The following NCEH1 variants were observed in gnomAD, a reference collection of about 807,000 sequenced individuals.
NCEH1 encodes 2-acetyl MAGE hydrolase.
In NCEH1, 9 loss-of-function variants were observed where a neutral mutation model predicts 25.4. That is an observed-to-expected ratio of 0.35 (90% CI 0.21 to 0.62). NCEH1 has a LOEUF of 0.62. Ranked by LOEUF, NCEH1 falls within the 20% of genes least tolerant of loss-of-function variation. The pLI is 0.72. For synonymous variants in NCEH1, 200 were observed against 199.8 expected, an observed-to-expected ratio of 1.00 and a Z score of -0.01; for missense variants, 412 against 501.1, an observed-to-expected ratio of 0.82 and a Z score of 1.70.
At position 172,646,575 on chromosome 3, in the gene NCEH1, GATCT is replaced by G. The variant is rs1717131384; in HGVS notation, c.368-887_368-884del. ...TTCTTAGTTACTCTCAGTAAATTAA[GATCT>G]ATATTGTGCCAACTGAGAGCCAAAC... is the stretch of plus-strand genomic sequence containing the variant. On this transcript the variant is annotated intron_variant, in intron 2 of 4. Transcript: ENST00000475381. Among the ~76,000 whole-genome samples, 5 of 152,244 alleles carry G rather than the reference GATCT, an allele frequency of 3.3e-5. 1 individual carries two copies. In the South Asian group the frequency reaches 1.0e-3, roughly 32 times the overall value.
chr3:172,664,054 C>G (rs978599173), intron 1 of NCEH1, among the ~76,000 whole-genome samples: 1 of 152,156 alleles, frequency 6.6e-6, no homozygotes, highest in Admixed American at 6.6e-5. Context: ...TTCCTAGCCT[C>G]GATGGTCTTT....
At chr3:172,693,593 TGAGA>T (rs984338569) in intron 1 of NCEH1, among the ~76,000 whole-genome samples, 2 of 152,248 alleles carry the variant, frequency 1.3e-5, no homozygotes, top group African/African-American at 2.4e-5. Flanking sequence ...AAATATGCTT[TGAGA>T]GAGACAGAAA....
intron 1 of NCEH1, among the ~76,000 whole-genome samples, chr3:172,683,993 T>C (rs1236739633): frequency 1.3e-5 from 2 of 152,274 alleles, no homozygotes; most frequent in Admixed American, 1.3e-4. Flanking sequence ...TGGCAAAGCC[T>C]TGCTGAAAGT....
At chr3:172,652,466 G>C (rs1325790900) in intron 1 of NCEH1, among the ~76,000 whole-genome samples, 1 of 152,236 alleles carries the variant, frequency 6.6e-6, no homozygotes, top group Non-Finnish European at 1.5e-5. Context: ...GGCTGAGGAT[G>C]AGTGATACCC....
chr3:172,662,347 A>G (rs1451324025), intron 1 of NCEH1, among the ~76,000 whole-genome samples: 1 of 152,114 alleles, frequency 6.6e-6, no homozygotes, highest in Non-Finnish European at 1.5e-5. Flanking sequence ...AAGCTTTTTG[A>G]TGTGCTGCTG....
intron 1 of NCEH1, among the ~76,000 whole-genome samples, chr3:172,675,454 AG>A (rs1711942344): frequency 1.3e-5 from 2 of 150,992 alleles, no homozygotes; most frequent in Admixed American, 6.6e-5. Context: ...AAAAAAAAAA[AG>A]GATTTTGTAT....
intron 1 of NCEH1, among the ~76,000 whole-genome samples, chr3:172,678,798 A>G (rs1003131536): frequency 1.3e-5 from 2 of 152,204 alleles, no homozygotes; most frequent in Admixed American, 1.3e-4. Context: ...TCATCCACAT[A>G]GTGAACACTG....
Position 172,647,894 on chromosome 3 carries a change from GC to G in NCEH1, c.358del (p.Ala120GlnfsTer19), listed in dbSNP as rs778136622. On this transcript the variant is annotated frameshift_variant, in exon 2 of 5. Coordinates refer to ENST00000475381, the MANE Select transcript of NCEH1 (RefSeq NM_020792.6). LOFTEE classifies it high-confidence loss of function. ...VYIHGGGWAL[A>X]SAKIRYYDEL... ...AGGTGACCAGGACGCACTTGCACTT[GC>G]CAAGGCCCAGCCTCCTCCGTGGATA... is the stretch of plus-strand genomic sequence containing the variant. The G allele has an allele frequency of 6.2e-7, 1 of 1,614,118 alleles. No homozygotes were observed. Among genetic ancestry groups the G allele is most frequent in the Non-Finnish European group, 8.5e-7 (1 of 1,180,032 alleles).
chr3:172,672,238 T>C (rs935265040), intron 1 of NCEH1, among the ~76,000 whole-genome samples: 3 of 152,186 alleles, frequency 2.0e-5, no homozygotes, highest in Non-Finnish European at 4.4e-5. Flanking sequence ...TGCATTATAA[T>C]TGCCTACATG....
intron 1 of NCEH1, among the ~76,000 whole-genome samples, chr3:172,693,481 G>C (rs1341019672): frequency 2.0e-5 from 3 of 151,778 alleles, no homozygotes; most frequent in African/African-American, 7.3e-5. Context: ...AAATGGGAGG[G>C]GGTGGTTAGA....
intron 1 of NCEH1, among the ~76,000 whole-genome samples, chr3:172,676,701 C>A (rs1712026428): frequency 1.3e-5 from 2 of 152,160 alleles, no homozygotes; most frequent in Non-Finnish European, 2.9e-5. Context: ...CTACTCCACA[C>A]GTGTCTGTGT....
intron 2 of NCEH1, among the ~76,000 whole-genome samples, chr3:172,647,222 AT>A (rs1717161030): frequency 6.6e-6 from 1 of 152,202 alleles, no homozygotes; most frequent in African/African-American, 2.4e-5. Flanking sequence ...CTCCATGATC[AT>A]TTATTAGCAG....
At chr3:172,658,482 G>A (rs1288397659) in intron 1 of NCEH1, among the ~76,000 whole-genome samples, 1 of 152,156 alleles carries the variant, frequency 6.6e-6, no homozygotes, top group Non-Finnish European at 1.5e-5. Context: ...GGAGCACAGT[G>A]GCACCCTCTA....
At chr3:172,689,781 A>G (rs1712925757) in intron 1 of NCEH1, among the ~76,000 whole-genome samples, 1 of 151,644 alleles carries the variant, frequency 6.6e-6, no homozygotes, top group Non-Finnish European at 1.5e-5. Context: ...TAAAATTGGA[A>G]AGACTGAGAG....
At position 172,651,745 on chromosome 3, in the gene NCEH1, G is replaced by C. The variant is rs935158771; in HGVS notation, c.139-3631C>G. On this transcript the variant is annotated intron_variant, in intron 1 of 4. Transcript: ENST00000475381. The stretch of plus-strand genomic sequence containing the variant: ...GGCTACATTTTGTAGTTTTAGTAGA[G>C]ACAGGGTTTTGCCACATTGGCAAGG... Among the ~76,000 whole-genome samples, 6 of 152,098 alleles carry C rather than the reference G, an allele frequency of 3.9e-5. 1 individual carries two copies. The highest frequency in any genetic ancestry group is 8.8e-5 in the Non-Finnish European group (6 of 68,022).
chr3:172,700,345 A>G (rs645195), intron 1 of NCEH1, among the ~76,000 whole-genome samples: 74,207 of 151,844 alleles, frequency 0.49, 18,730 homozygotes, highest in African/African-American at 0.6. Context: ...AAGCACTGAT[A>G]TAGATTAATT....
chr3:172,667,577 A>G (rs957025151), intron 1 of NCEH1, among the ~76,000 whole-genome samples: 81 of 152,218 alleles, frequency 5.3e-4, no homozygotes, highest in African/African-American at 1.9e-3. Context: ...TGGGCGGCAT[A>G]TTTAACTTGG....
chr3:172,672,073 G>A (rs1711668354), intron 1 of NCEH1, among the ~76,000 whole-genome samples: 1 of 152,148 alleles, frequency 6.6e-6, no homozygotes, highest in Non-Finnish European at 1.5e-5. Flanking sequence ...CACGGTAAGT[G>A]CCTTACACAG....
intron 1 of NCEH1, among the ~76,000 whole-genome samples, chr3:172,695,854 G>C (rs1349207447): frequency 6.6e-6 from 1 of 152,078 alleles, no homozygotes; most frequent in Non-Finnish European, 1.5e-5. Context: ...TGAGGCAGGA[G>C]AATCGCTTGA....
Sources: allele counts gnomAD v4.1 joint callset (sites outside exome capture counted in the v4.1 genomes callset), GRCh38; gene constraint gnomAD v4.1.1; transcripts MANE v1.5; gene names NCBI Gene and HGNC (gene_info 2026-07-23, HGNC 2026-07-21).